CASK: variants seen among roughly 807,000 people sequenced by gnomAD.
CASK encodes the protein calcium/calmodulin dependent serine protein kinase, also known as peripheral plasma membrane protein CASK.
Under a neutral mutation model 82.9 loss-of-function variants are expected in CASK, and 4 were observed. The ratio of observed to expected loss-of-function variants is 0.05; its 90% CI spans 0.02 to 0.11. The LOEUF (loss-of-function observed/expected upper bound fraction) is 0.11. Among genes scored for constraint, CASK ranks in the 10% least tolerant of loss-of-function variants. The probability of loss-of-function intolerance (pLI) is 1.00; values close to 1 mark genes in which losing one functional copy is unlikely to be tolerated. For missense variants in CASK, 358 were observed against 720.9 expected (o/e 0.50, Z 5.76); for synonymous variants, 259 against 253.5 (o/e 1.02, Z -0.20).
intron 1 of CASK, among the ~76,000 whole-genome samples, chrX:41,885,013 A>G (rs2072022617): frequency 8.9e-6 from 1 of 112,232 alleles, no homozygotes; most frequent in African/African-American, 3.2e-5. Flanking sequence ...CCTGTAACTT[A>G]CTGAGGAATT....
At chrX:41,834,122 T>C (rs767036250) in intron 2 of CASK, among the ~76,000 whole-genome samples, 2 of 112,036 alleles carry the variant, frequency 1.8e-5, no homozygotes, top group African/African-American at 3.2e-5. Flanking sequence ...CAAGAATAGA[T>C]CTAACTTGAA....
chrX:41,627,487 G>C (rs1418269827), intron 9 of CASK, among the ~76,000 whole-genome samples: 1 of 111,617 alleles, frequency 9.0e-6, no homozygotes, highest in Non-Finnish European at 1.9e-5. Flanking sequence ...TGAAGTGTGG[G>C]CTTTTAGTGA....
At chrX:41,732,483 GC>G (rs377108140) in intron 5 of CASK, among the ~76,000 whole-genome samples, 91 of 110,953 alleles carry the variant, frequency 8.2e-4, no homozygotes, top group African/African-American at 2.9e-3. Context: ...AGGAAATCCT[GC>G]CGGCAAACCA....
intron 9 of CASK, among the ~76,000 whole-genome samples, chrX:41,633,057 A>T (rs1176501558): frequency 2.4e-5 from 2 of 83,965 alleles, no homozygotes; most frequent in Non-Finnish European, 5.4e-5. Flanking sequence ...AAAAAAAAAA[A>T]ATAATAATAA....
At chrX:41,897,576 A>G (rs1454023879) in intron 1 of CASK, among the ~76,000 whole-genome samples, 1 of 111,754 alleles carries the variant, frequency 8.9e-6, no homozygotes, top group Non-Finnish European at 1.9e-5. Context: ...AGGTAAAGTC[A>G]TGTAGTTGAT....
chrX:41,733,960 A>G (rs908744298), intron 5 of CASK, among the ~76,000 whole-genome samples: 4 of 110,982 alleles, frequency 3.6e-5, no homozygotes, highest in Non-Finnish European at 5.7e-5. Context: ...ACACAAATTT[A>G]TCATAAAGTC....
intron 3 of CASK, among the ~76,000 whole-genome samples, chrX:41,756,962 G>C (rs1426454841): frequency 1.8e-5 from 2 of 111,918 alleles, no homozygotes; most frequent in East Asian, 2.8e-4. Flanking sequence ...TTACAACTAA[G>C]TAGGTAAAAT....
chrX:41,875,438 G>A (rs1296454738), intron 1 of CASK, among the ~76,000 whole-genome samples: 1 of 111,273 alleles, frequency 9.0e-6, no homozygotes, highest in East Asian at 2.8e-4. Flanking sequence ...TGTACTGCAA[G>A]ACTCAGCCAT....
At chrX:41,638,542 T>C (rs746358710) in intron 8 of CASK, among the ~76,000 whole-genome samples, 1 of 111,269 alleles carries the variant, frequency 9.0e-6, no homozygotes, top group Non-Finnish European at 1.9e-5. Context: ...TGACCCCATT[T>C]CTAAAAAACA....
In CASK at chrX:41,570,010, CTTTTTT is replaced by C. The variant is rs397937722; in HGVS notation, c.1504-270_1504-265del. ...ACTATTTTCTTTTCTTTTCTTTTTT[CTTTTTT>C]TTTTTTTTTTTTTTGAGACTCTGTC... is the stretch of plus-strand genomic sequence containing the variant. On this transcript the variant is annotated intron_variant, in intron 15 of 26. Coordinates refer to ENST00000378163, the MANE Select transcript of CASK (RefSeq NM_001367721.1). Among the ~76,000 whole-genome samples, 355 of 70,610 alleles carry C rather than the reference CTTTTTT, an allele frequency of 5.0e-3. 3 individuals carry two copies. The highest frequency in any genetic ancestry group is 0.017 in the African/African-American group (333 of 19,207). The allele number at this position is 70,610 out of a possible 115,157, so 61.3% of individuals were successfully genotyped here. A position where few individuals can be genotyped will look rare whatever the true frequency, so the allele number is the denominator to read the frequency against.
In CASK at chrX:41,660,510, G is replaced by A; in HGVS notation, c.760C>T (p.Arg254Cys). The A allele has an allele frequency of 8.3e-7, 1 of 1,207,145 alleles. No homozygotes were observed. The highest frequency in any genetic ancestry group is 1.1e-6 in the Non-Finnish European group (1 of 891,270). Reference protein sequence around the residue: ...HISESAKDLVRRMLMLDPAER... With the variant: ...HISESAKDLVCRMLMLDPAER... ...GCTGGATCCAGCATCAGCATGCGAC[G>A]TACTAGGTCTTTGGCACTTTCAGAG... The change falls in exon 8 of 27, where the codon CGT (arginine) becomes TGT (cysteine). Residue 254 changes from arginine to cysteine, a missense_variant. Physicochemically the swap from Arg to Cys is radical, Grantham distance 180 (BLOSUM62 -3). Coordinates refer to ENST00000378163, the MANE Select transcript of CASK (RefSeq NM_001367721.1).
At chrX:41,689,499 C>G (rs1489140959) in intron 5 of CASK, among the ~76,000 whole-genome samples, 1 of 111,608 alleles carries the variant, frequency 9.0e-6, no homozygotes, top group East Asian at 2.8e-4. Flanking sequence ...AAATTACTGT[C>G]TTTTCTTTAT....
chrX:41,581,699 T>C (rs184664775), intron 14 of CASK, among the ~76,000 whole-genome samples: 2 of 109,698 alleles, frequency 1.8e-5, no homozygotes, highest in Admixed American at 2.0e-4. Flanking sequence ...AAAACGCTTA[T>C]AAGATAGAAA....
chrX:41,586,812 G>A, intron 14 of CASK, 95 bp downstream of exon 14: 2 of 552,456 alleles, frequency 3.6e-6, no homozygotes, highest in Non-Finnish European at 3.2e-6. Context: ...GGATAAAAAT[G>A]CATGAGATGA....
intron 2 of CASK, among the ~76,000 whole-genome samples, chrX:41,830,833 A>G (rs1216403174): frequency 1.8e-5 from 2 of 109,261 alleles, no homozygotes; most frequent in Non-Finnish European, 3.8e-5. Flanking sequence ...AAAAAAAAAA[A>G]AAACAAAAGA....
chrX:41,841,870 T>G, intron 2 of CASK, among the ~76,000 whole-genome samples: 1 of 112,114 alleles, frequency 8.9e-6, no homozygotes, highest in East Asian at 2.8e-4. Flanking sequence ...AATTTTAAAT[T>G]ATGATGAATC....
At chrX:41,646,028 A>G (rs2066751390) in intron 8 of CASK, among the ~76,000 whole-genome samples, 1 of 111,451 alleles carries the variant, frequency 9.0e-6, no homozygotes, top group Admixed American at 9.6e-5. Flanking sequence ...ATGTTACCAT[A>G]GGTTATAAAT....
At chrX:41,830,231 C>T (rs990653103) in intron 2 of CASK, among the ~76,000 whole-genome samples, 5 of 109,649 alleles carry the variant, frequency 4.6e-5, no homozygotes, top group South Asian at 4.0e-4. Flanking sequence ...AACTCCTGGA[C>T]GCAAATGATC....
intron 15 of CASK, among the ~76,000 whole-genome samples, chrX:41,576,879 G>C (rs776297767): frequency 6.3e-5 from 7 of 111,397 alleles, no homozygotes; most frequent in African/African-American, 2.3e-4. Context: ...TGCCCCCCAT[G>C]TGCTGCAAGA....
Sources: allele counts gnomAD v4.1 joint callset (sites outside exome capture counted in the v4.1 genomes callset), GRCh38; gene constraint gnomAD v4.1.1; transcripts MANE v1.5; gene names NCBI Gene and HGNC (gene_info 2026-07-23, HGNC 2026-07-21).